Variants in LAMC1 observed in about 807,000 individuals in gnomAD.
The protein encoded by LAMC1 is laminin subunit gamma 1.
Under a neutral mutation model 173.6 loss-of-function variants are expected in LAMC1, and 38 were observed. That is an observed-to-expected ratio of 0.22 (90% CI 0.17 to 0.29). The LOEUF (loss-of-function observed/expected upper bound fraction) is 0.29, where lower values mean the gene tolerates loss of function less well. Ranked by LOEUF, LAMC1 falls within the 10% of genes least tolerant of loss-of-function variation. The probability of loss-of-function intolerance (pLI) is 1.00; values close to 1 mark genes in which losing one functional copy is unlikely to be tolerated. For missense variants in LAMC1, 1,824 were observed against 2,051.8 expected (o/e 0.89, Z 2.14); for synonymous variants, 746 against 749.1 (o/e 1.00, Z 0.07).
At chr1:183,128,845 T>G (rs1168407726) in intron 18 of LAMC1, 95 bp downstream of exon 18, 6 of 1,002,584 alleles carry the variant, frequency 6.0e-6, no homozygotes, top group Non-Finnish European at 8.2e-6. Flanking sequence ...ATAAAATTCT[T>G]TCTCAGTTTT....
At chr1:183,110,403 A>T in intron 3 of LAMC1, 85 bp from the exon 4 acceptor site, 1 of 1,036,780 alleles carries the variant, frequency 9.6e-7, no homozygotes, top group Non-Finnish European at 1.4e-6. Flanking sequence ...GGTAAAACTT[A>T]CTTCTTTGTG....
At chr1:183,052,018 ATTCCT>A (rs1453663713) in intron 1 of LAMC1, among the ~76,000 whole-genome samples, 1 of 152,270 alleles carries the variant, frequency 6.6e-6, no homozygotes, top group Admixed American at 6.5e-5. Context: ...ATAAAAAATC[ATTCCT>A]TTCATTGGTT....
chr1:183,036,948 G>A (rs1654000736), intron 1 of LAMC1, among the ~76,000 whole-genome samples: 2 of 152,050 alleles, frequency 1.3e-5, no homozygotes, highest in Non-Finnish European at 1.5e-5. Context: ...GCTAATTTTT[G>A]TATTTTTAGT....
rs896142921 is a variant in LAMC1 at position 183,128,543 on chromosome 1, A to C, written c.3124-51A>C. ...TGCAGGAAGTGTGATTGAGTTCTTC[A>C]GGAATACTTGTGTGTCCTACCTTTC... On this transcript the variant is annotated intron_variant, in intron 17 of 27. Coordinates refer to ENST00000258341, the MANE Select transcript of LAMC1 (RefSeq NM_002293.4). The C allele has an allele frequency of 9.2e-6, 14 of 1,514,192 alleles. No homozygotes were observed. The African/African-American group carries it at 1.7e-4, about 18-fold the overall frequency. The allele number at this position is 1,514,192 out of a possible 1,614,324, so 93.8% of individuals were successfully genotyped here.
chr1:183,130,281 T>G (rs1225990061), intron 18 of LAMC1, 63 bp from the exon 19 acceptor site: 1 of 1,406,984 alleles, frequency 7.1e-7, no homozygotes, highest in Non-Finnish European at 1.0e-6. Flanking sequence ...GCCTCAGATT[T>G]CATGTGAGAT....
At chr1:183,133,600 CTA>C (rs1219867032) in intron 22 of LAMC1, 50 bp downstream of exon 22, 2 of 1,534,750 alleles carry the variant, frequency 1.3e-6, no homozygotes, top group East Asian at 2.3e-5. Context: ...TCCCCCAAGT[CTA>C]TGTGAGAGCC....
At chr1:183,115,730 A>T (rs1656300689) in intron 6 of LAMC1, 93 bp downstream of exon 6, 2 of 876,056 alleles carry the variant, frequency 2.3e-6, no homozygotes, top group Non-Finnish European at 1.9e-6. Context: ...AGCAGGGTAA[A>T]CATTTTTCCT....
At chr1:183,122,517 C>T (rs1317425882) in intron 13 of LAMC1, among the ~76,000 whole-genome samples, 1 of 152,162 alleles carries the variant, frequency 6.6e-6, no homozygotes, top group Non-Finnish European at 1.5e-5. Context: ...CATCTTGAGG[C>T]TTCAAAAGCC....
In LAMC1 at chr1:183,144,692, T is replaced by G. The variant is rs1295168859; in HGVS notation, c.*1902T>G. ...CTGAAGAGGATCTTTGACGCCACAGTGGGACTAGCCAGGAATGAGGGAGAA... is the reference window on the plus strand; with the variant it reads ...CTGAAGAGGATCTTTGACGCCACAGGGGGACTAGCCAGGAATGAGGGAGAA... On this transcript the variant is annotated 3_prime_UTR_variant, in exon 28 of 28. Coordinates refer to ENST00000258341, the MANE Select transcript of LAMC1 (RefSeq NM_002293.4). The G allele has an allele frequency of 6.6e-6, 1 of 152,186 alleles. No homozygotes were observed. The highest frequency in any genetic ancestry group is 2.4e-5 in the African/African-American group (1 of 41,422). The allele number at this position is 152,186 out of a possible 1,614,324, so 9.4% of individuals were successfully genotyped here.
intron 20 of LAMC1, among the ~76,000 whole-genome samples, 179 bp from the exon 21 acceptor site, chr1:183,132,221 G>A (rs1656814351): frequency 6.6e-6 from 1 of 152,150 alleles, no homozygotes; most frequent in Non-Finnish European, 1.5e-5. Flanking sequence ...TGAACCGGGA[G>A]GCGGAGGTTG....
intron 19 of LAMC1, 100 bp from the exon 20 acceptor site, chr1:183,131,199 C>T (rs1255278017): frequency 6.0e-6 from 4 of 662,816 alleles, no homozygotes; most frequent in Non-Finnish European, 1.0e-5. Context: ...AAGGTAGAGG[C>T]ATTCTTTTTG....
Position 183,023,774 on chromosome 1 carries a change from G to A in LAMC1, c.58G>A (p.Val20Met), listed in dbSNP as rs1328940152. 3 of 1,448,696 alleles carry A rather than the reference G, an allele frequency of 2.1e-6. No individual in the cohort carries two copies. The highest frequency in any genetic ancestry group is 2.7e-6 in the Non-Finnish European group (3 of 1,099,496). The allele number at this position is 1,448,696 out of a possible 1,614,324, so 89.7% of individuals were successfully genotyped here. Residue 20 changes from valine (V) to methionine (M), a missense_variant, in exon 1 of 28, where the codon GTG (valine) becomes ATG (methionine). Coordinates refer to ENST00000258341, the MANE Select transcript of LAMC1 (RefSeq NM_002293.4). ...ALRPRGRLWP[V>M]LAVLAAAAAA... The stretch of plus-strand genomic sequence containing the variant: ...GCGGCCCCGGGGGCGGCTCTGGCCC[G>A]TGCTGGCCGTGCTGGCGGCGGCCGC...
At chr1:183,049,924 G>A (rs1330536998) in intron 1 of LAMC1, among the ~76,000 whole-genome samples, 1 of 151,978 alleles carries the variant, frequency 6.6e-6, no homozygotes, top group African/African-American at 2.4e-5. Flanking sequence ...AGCATCAATA[G>A]TAAATCAAAT....
intron 1 of LAMC1, among the ~76,000 whole-genome samples, chr1:183,053,352 T>C (rs1654485758): frequency 6.6e-6 from 1 of 152,180 alleles, no homozygotes; most frequent in Admixed American, 6.5e-5. Context: ...TGTATCATAC[T>C]CTGATATTTT....
chr1:183,057,265 A>G (rs1654621534), intron 1 of LAMC1, among the ~76,000 whole-genome samples: 1 of 152,174 alleles, frequency 6.6e-6, no homozygotes, highest in Admixed American at 6.5e-5. Flanking sequence ...TTATATTTCA[A>G]AGGCACAATG....
In LAMC1 at chr1:183,036,666, C is replaced by A. The variant is rs552496389; in HGVS notation, c.418+12532C>A. Among the ~76,000 whole-genome samples the A allele has an allele frequency of 8.5e-5, 13 of 152,322 alleles. No homozygotes were observed. In the South Asian group the frequency reaches 2.7e-3, roughly 32 times the overall value. ...TCGGCTTCCCAAAGTGCTGAGATTA[C>A]AGACGTGAGCCACTGCGCACAGCTG... On this transcript the variant is annotated intron_variant, in intron 1 of 27. Coordinates refer to ENST00000258341, the MANE Select transcript of LAMC1 (RefSeq NM_002293.4).
At chr1:183,132,604 A>C in intron 21 of LAMC1, 67 bp downstream of exon 21, 1 of 1,255,674 alleles carries the variant, frequency 8.0e-7, no homozygotes, top group East Asian at 2.4e-5. Flanking sequence ...AGTTCAATGA[A>C]AAATTAAATG....
At position 183,134,796 on chromosome 1, in the gene LAMC1, A is replaced by C; in HGVS notation, c.3986A>C (p.Lys1329Thr). The stretch of plus-strand genomic sequence containing the variant: ...GTCAAGAACCTTCTGGAGAAAGGCA[A>C]GACTGAACAGCAGGTTGGTTTGATT... ...LEVKNLLEKG[K>T]TEQQTADQLL... The change falls in exon 23 of 28, where the codon AAG becomes ACG. Residue 1329 changes from lysine (K) to threonine (T), a missense_variant. By Grantham distance (78) the Lys-to-Thr change is moderately conservative (BLOSUM62 -1). Coordinates refer to ENST00000258341, the MANE Select transcript of LAMC1 (RefSeq NM_002293.4). The C allele has an allele frequency of 6.2e-7, 1 of 1,613,186 alleles. No homozygotes were observed. The highest frequency in any genetic ancestry group is 8.5e-7 in the Non-Finnish European group (1 of 1,179,768).
intron 3 of LAMC1, 79 bp downstream of exon 3, chr1:183,108,485 A>G (rs1656052495): frequency 8.1e-7 from 1 of 1,236,958 alleles, no homozygotes; most frequent in African/African-American, 1.5e-5. Context: ...GTTTACAACT[A>G]TGTTAATACC....
Sources: gnomAD v4.1 joint callset for allele counts (sites outside exome capture counted in the v4.1 genomes callset) on GRCh38, gnomAD v4.1.1 for gene constraint, MANE v1.5 for transcripts, NCBI Gene and HGNC (gene_info 2026-07-23, HGNC 2026-07-21) for gene names.